The following KCNIP4 variants were observed in gnomAD, a reference collection of about 807,000 sequenced individuals.
The protein encoded by KCNIP4 is Kv channel-interacting protein 4.
Under a neutral mutation model 34.0 loss-of-function variants are expected in KCNIP4, and 12 were observed. The ratio of observed to expected loss-of-function variants is 0.35; its 90% CI spans 0.23 to 0.57. KCNIP4 has a LOEUF of 0.57. Ranked by LOEUF, KCNIP4 falls within the 20% of genes least tolerant of loss-of-function variation. The pLI is 0.83. For synonymous variants in KCNIP4, 124 were observed against 102.2 expected (o/e 1.21, Z -1.29); for missense variants, 238 against 311.7 (o/e 0.76, Z 1.78).
chr4:21,736,607 C>T (rs1486547119), intron 1 of KCNIP4, among the ~76,000 whole-genome samples: 2 of 152,176 alleles, frequency 1.3e-5, no homozygotes, highest in African/African-American at 4.8e-5. Context: ...AACTCAAATT[C>T]AGACATCAAA....
intron 1 of KCNIP4, among the ~76,000 whole-genome samples, chr4:21,025,448 T>A (rs1222129740): frequency 7.4e-6 from 1 of 134,638 alleles, no homozygotes; most frequent in Non-Finnish European, 1.5e-5. Context: ...GTGAACACCA[T>A]TATGGTGCAT....
chr4:21,142,325 C>T (rs935099229), intron 1 of KCNIP4, among the ~76,000 whole-genome samples: 12 of 152,084 alleles, frequency 7.9e-5, no homozygotes, highest in Non-Finnish European at 1.0e-4. Context: ...GCTTAGGCCA[C>T]GTAAGATTCC....
chr4:21,857,572 G>A (rs1375275686), intron 1 of KCNIP4, among the ~76,000 whole-genome samples: 1 of 152,100 alleles, frequency 6.6e-6, no homozygotes, highest in African/African-American at 2.4e-5. Flanking sequence ...CCACTCCAGG[G>A]TCACCTCTCT....
At chr4:21,884,099 C>T (rs535603743) in intron 1 of KCNIP4, among the ~76,000 whole-genome samples, 13 of 152,026 alleles carry the variant, frequency 8.6e-5, no homozygotes, top group Non-Finnish European at 1.9e-4. Context: ...ATAGCATAAA[C>T]GAATGTAACC....
intron 1 of KCNIP4, among the ~76,000 whole-genome samples, chr4:21,796,178 T>C (rs12644852): frequency 0.35 from 52,646 of 152,080 alleles, 10,797 homozygotes; most frequent in Non-Finnish European, 0.48. Context: ...TTCTTTACTC[T>C]GGTTTCTCAT....
intron 1 of KCNIP4, among the ~76,000 whole-genome samples, chr4:21,100,552 CA>C (rs1184642369): frequency 1.3e-5 from 2 of 151,800 alleles, no homozygotes; most frequent in Admixed American, 6.6e-5. Context: ...GATGCTGTCT[CA>C]AAAAAATAAA....
At position 20,839,457 on chromosome 4, in the gene KCNIP4, G is replaced by A. The variant is rs1198590057; in HGVS notation, c.288+11086C>T. Among the ~76,000 whole-genome samples the A allele has an allele frequency of 3.4e-5, 5 of 148,386 alleles. No homozygotes were observed. In the Admixed American group the frequency reaches 3.4e-4, roughly 10 times the overall value. On this transcript the variant is annotated intron_variant, in intron 3 of 8. Transcript: ENST00000382152. ...TTTTAGATTATTCTTCAAAAAGCAA[G>A]TAGATATCTATATTGTATACCATGT...
In KCNIP4 at chr4:20,729,631, A is replaced by G. The variant is rs1747388507; in HGVS notation, c.*451T>C. 6.6e-6 allele frequency: 1 copy of G among 152,146 alleles called. No homozygotes were observed. Among genetic ancestry groups the G allele is most frequent in the African/African-American group, 2.4e-5 (1 of 41,210 alleles). 9.4% of individuals were successfully genotyped at this position (152,146 alleles called of 1,614,324 possible). On this transcript the variant is annotated 3_prime_UTR_variant, in exon 9 of 9. Transcript: ENST00000382152. ...ATATAAATGGAATTTAAATGGAATT[A>G]CAGCATTCAAACATGAAAATTAATT...
At chr4:21,644,151 G>C (rs1191139318) in intron 1 of KCNIP4, among the ~76,000 whole-genome samples, 1 of 152,036 alleles carries the variant, frequency 6.6e-6, no homozygotes, top group Non-Finnish European at 1.5e-5. Flanking sequence ...GCAACTCCAT[G>C]AACTCAAGAT....
rs917186281 is a variant in KCNIP4 at position 21,191,016 on chromosome 4, A to G, written c.62-308307T>C. ...GATGAGAGAATTGTGGCTTTTGAAA[A>G]TAATAGCATTACACTGAAATTTAAT... On this transcript the variant is annotated intron_variant, in intron 1 of 8. Coordinates refer to ENST00000382152, the MANE Select transcript of KCNIP4 (RefSeq NM_025221.6). Among the ~76,000 whole-genome samples the G allele has an allele frequency of 7.9e-5, 12 of 152,364 alleles. No individual in the cohort carries two copies. In the South Asian group the frequency reaches 2.5e-3, roughly 32 times the overall value.
At chr4:20,952,674 AT>A (rs1443623500) in intron 1 of KCNIP4, among the ~76,000 whole-genome samples, 13 of 152,252 alleles carry the variant, frequency 8.5e-5, no homozygotes, top group African/African-American at 3.1e-4. Flanking sequence ...TAATAATTTC[AT>A]GCCAGATTTA....
At chr4:21,278,758 G>T (rs550302696) in intron 1 of KCNIP4, among the ~76,000 whole-genome samples, 1 of 152,246 alleles carries the variant, frequency 6.6e-6, no homozygotes. Flanking sequence ...AGGGCAGAGG[G>T]GAGATGGGGA....
At chr4:20,764,401 C>T (rs1404065878) in intron 3 of KCNIP4, among the ~76,000 whole-genome samples, 1 of 151,992 alleles carries the variant, frequency 6.6e-6, no homozygotes, top group African/African-American at 2.4e-5. Context: ...ACTTACCATA[C>T]TGTTGCATAT....
chr4:21,559,698 C>G (rs16871417), intron 1 of KCNIP4, among the ~76,000 whole-genome samples: 66,022 of 151,812 alleles, frequency 0.43, 14,532 homozygotes, highest in East Asian at 0.66. Context: ...ACCTTCTAGA[C>G]TATGCAGAGA....
At chr4:21,736,702 G>A (rs574424620) in intron 1 of KCNIP4, among the ~76,000 whole-genome samples, 1 of 152,094 alleles carries the variant, frequency 6.6e-6, no homozygotes, top group Non-Finnish European at 1.5e-5. Context: ...CGAGCACTTT[G>A]CTCACACTTC....
intron 1 of KCNIP4, among the ~76,000 whole-genome samples, chr4:21,655,617 G>A (rs760056011): frequency 1.3e-5 from 2 of 152,054 alleles, no homozygotes; most frequent in Non-Finnish European, 2.9e-5. Context: ...TCACATAAAG[G>A]TAGAATATTT....
intron 1 of KCNIP4, among the ~76,000 whole-genome samples, chr4:21,458,426 C>T (rs1005099033): frequency 4.6e-5 from 7 of 151,778 alleles, no homozygotes; most frequent in African/African-American, 1.7e-4. Flanking sequence ...CAAGTCTTTG[C>T]TATTGTGAAT....
At chr4:21,612,615 T>C (rs1744242940) in intron 1 of KCNIP4, among the ~76,000 whole-genome samples, 1 of 152,236 alleles carries the variant, frequency 6.6e-6, no homozygotes, top group African/African-American at 2.4e-5. Context: ...TACATTGGCA[T>C]CTAATATGAT....
At chr4:21,256,144 G>A (rs16870628) in intron 1 of KCNIP4, among the ~76,000 whole-genome samples, 5,535 of 152,262 alleles carry the variant, frequency 0.036, 327 homozygotes, top group African/African-American at 0.12. Flanking sequence ...TGGAAATGAC[G>A]TTAGTCCAAG....
Sources: gnomAD v4.1 joint callset for allele counts (sites outside exome capture counted in the v4.1 genomes callset) on GRCh38, gnomAD v4.1.1 for gene constraint, MANE v1.5 for transcripts, NCBI Gene and HGNC (gene_info 2026-07-23, HGNC 2026-07-21) for gene names.